PDE3A: variants seen among roughly 807,000 people sequenced by gnomAD.
PDE3A encodes cGMP-inhibited 3',5'-cyclic phosphodiesterase 3A.
In PDE3A, 43 loss-of-function variants were observed where a neutral mutation model predicts 98.3. That is an observed-to-expected ratio of 0.44 (90% CI 0.34 to 0.56). The LOEUF (loss-of-function observed/expected upper bound fraction) is 0.56. PDE3A is among the 20% of genes least tolerant of loss of function. PDE3A has a pLI of 0.01. For synonymous variants in PDE3A, 663 were observed against 567.9 expected (o/e 1.17, Z -2.38); for missense variants, 1,427 against 1,440.7 (o/e 0.99, Z 0.15).
Position 20,619,712 on chromosome 12 carries a change from C to T in PDE3A, c.1425-1584C>T, listed in dbSNP as rs1944088192. Among the ~76,000 whole-genome samples, 2 of 152,038 alleles carry T rather than the reference C, an allele frequency of 1.3e-5. 1 individual carries two copies. The highest frequency in any genetic ancestry group is 4.1e-4 in the South Asian group (2 of 4,830). The stretch of plus-strand genomic sequence containing the variant: ...AAGATGTCAAAGAAATATTTTTATG[C>T]CTTACTTAATTGCATTTTATAATTG... On this transcript the variant is annotated intron_variant, in intron 4 of 15. Transcript: ENST00000359062.
chr12:20,499,881 C>T (rs529677004), intron 1 of PDE3A, among the ~76,000 whole-genome samples: 7 of 152,260 alleles, frequency 4.6e-5, no homozygotes, highest in Admixed American at 2.0e-4. Context: ...TTTAGCTGTA[C>T]GCTTGTTAAT....
intron 1 of PDE3A, among the ~76,000 whole-genome samples, chr12:20,381,674 G>C (rs1591863280): frequency 6.6e-6 from 1 of 151,706 alleles, no homozygotes; most frequent in Non-Finnish European, 1.5e-5. Flanking sequence ...TAACTTTTTA[G>C]CACATTTATC....
At chr12:20,619,774 T>C (rs544858412) in intron 4 of PDE3A, among the ~76,000 whole-genome samples, 1 of 152,138 alleles carries the variant, frequency 6.6e-6, no homozygotes, top group South Asian at 2.1e-4. Context: ...TCCTCATATA[T>C]GGAAAACTGC....
At chr12:20,465,643 C>T (rs564660287) in intron 1 of PDE3A, among the ~76,000 whole-genome samples, 3 of 151,964 alleles carry the variant, frequency 2.0e-5, no homozygotes, top group Admixed American at 6.6e-5. Context: ...ACTCCTGACC[C>T]CGTAATCTGC....
chr12:20,447,352 C>T (rs938558050), intron 1 of PDE3A, among the ~76,000 whole-genome samples: 11 of 152,232 alleles, frequency 7.2e-5, no homozygotes, highest in African/African-American at 2.7e-4. Context: ...GCTAATAAGA[C>T]GACTAGTGGC....
chr12:20,539,220 C>G (rs968255575), intron 1 of PDE3A, among the ~76,000 whole-genome samples: 1 of 152,054 alleles, frequency 6.6e-6, no homozygotes, highest in African/African-American at 2.4e-5. Flanking sequence ...GGGGATGGGA[C>G]CCACGTCTAA....
chr12:20,555,323 AT>A (rs1182669024), intron 1 of PDE3A, among the ~76,000 whole-genome samples: 1 of 152,150 alleles, frequency 6.6e-6, no homozygotes, highest in Non-Finnish European at 1.5e-5. Context: ...CCTCTAATGG[AT>A]TCTTTTTTAT....
chr12:20,585,297 G>A (rs1214389420), intron 2 of PDE3A, among the ~76,000 whole-genome samples: 1 of 152,194 alleles, frequency 6.6e-6, no homozygotes, highest in Non-Finnish European at 1.5e-5. Flanking sequence ...TGTAATTGAA[G>A]CATAGTTTAG....
chr12:20,559,309 T>A (rs1942452314), intron 2 of PDE3A, among the ~76,000 whole-genome samples: 1 of 151,972 alleles, frequency 6.6e-6, no homozygotes, highest in Non-Finnish European at 1.5e-5. Context: ...CTGGTTTGTG[T>A]AAGTATACTC....
At chr12:20,419,096 A>G (rs10841514) in intron 1 of PDE3A, among the ~76,000 whole-genome samples, 10,889 of 152,174 alleles carry the variant, frequency 0.072, 690 homozygotes, top group East Asian at 0.2. Context: ...TAAGCCCTCT[A>G]TGCTTTAAAA....
chr12:20,473,076 G>T (rs983738588), intron 1 of PDE3A, among the ~76,000 whole-genome samples: 1 of 152,096 alleles, frequency 6.6e-6, no homozygotes, highest in African/African-American at 2.4e-5. Flanking sequence ...ATAGATCTTA[G>T]AAATGGTATC....
intron 1 of PDE3A, among the ~76,000 whole-genome samples, chr12:20,411,710 T>C (rs924205146): frequency 9.2e-5 from 14 of 152,248 alleles, no homozygotes; most frequent in African/African-American, 3.1e-4. Flanking sequence ...AATAGGACTA[T>C]CATGAATGGA....
chr12:20,462,217 G>A (rs10841540), intron 1 of PDE3A, among the ~76,000 whole-genome samples: 40,921 of 152,106 alleles, frequency 0.27, 7,131 homozygotes, highest in East Asian at 0.66. Context: ...GAGGCCAGGC[G>A]CGGTGGCTTA....
chr12:20,435,115 G>T (rs1944758801), intron 1 of PDE3A, among the ~76,000 whole-genome samples: 1 of 152,158 alleles, frequency 6.6e-6, no homozygotes, highest in African/African-American at 2.4e-5. Flanking sequence ...AGCCAATGAA[G>T]CAGAAATGTC....
intron 1 of PDE3A, among the ~76,000 whole-genome samples, chr12:20,427,289 C>G (rs1330744124): frequency 6.6e-6 from 1 of 152,088 alleles, no homozygotes; most frequent in African/African-American, 2.4e-5. Context: ...ATGTTGCGTG[C>G]TTTTGAATTT....
intron 1 of PDE3A, among the ~76,000 whole-genome samples, chr12:20,498,587 C>G (rs10841555): frequency 6.6e-6 from 1 of 151,840 alleles, no homozygotes; most frequent in African/African-American, 2.4e-5. Flanking sequence ...CTTGAGCATC[C>G]CTGGATTTTG....
intron 1 of PDE3A, among the ~76,000 whole-genome samples, chr12:20,433,645 G>T (rs1201062141): frequency 6.6e-6 from 1 of 151,958 alleles, no homozygotes; most frequent in Non-Finnish European, 1.5e-5. Context: ...TTTACTATCA[G>T]AATTTTAAGA....
In PDE3A at chr12:20,400,379, G is replaced by GTTT. The variant is rs75851941; in HGVS notation, c.960+30178_960+30180dup. ...AGCTCATGTTGACTCGTTAACATTG[G>GTTT]TTTTTTTTTTTTTTTTTTTTTTTTT... On this transcript the variant is annotated intron_variant, in intron 1 of 15. Coordinates refer to ENST00000359062, the MANE Select transcript of PDE3A (RefSeq NM_000921.5). 5.9e-4 allele frequency among the ~76,000 whole-genome samples: 65 copies of GTTT among 110,200 alleles called. 2 individuals are homozygous for GTTT. The highest frequency in any genetic ancestry group is 8.5e-4 in the South Asian group (3 of 3,510). 72.3% of individuals were successfully genotyped at this position (110,200 alleles called of 152,430 possible).
intron 1 of PDE3A, among the ~76,000 whole-genome samples, chr12:20,481,426 T>C (rs893062246): frequency 1.3e-5 from 2 of 152,220 alleles, no homozygotes; most frequent in South Asian, 4.1e-4. Flanking sequence ...ATTTGCTTTA[T>C]GTGGCTCTTT....
Sources: allele counts gnomAD v4.1 joint callset (sites outside exome capture counted in the v4.1 genomes callset), GRCh38; gene constraint gnomAD v4.1.1; transcripts MANE v1.5; gene names NCBI Gene and HGNC (gene_info 2026-07-23, HGNC 2026-07-21).